The following ATP11B variants were observed in gnomAD, a reference collection of about 807,000 sequenced individuals.
ATP11B encodes phospholipid-transporting ATPase IF.
A neutral mutation model predicts 157.8 loss-of-function variants in ATP11B; 81 were observed. The observed-to-expected ratio is 0.51, with a 90% CI of 0.43 to 0.62. The LOEUF (loss-of-function observed/expected upper bound fraction) is 0.62, where lower values mean the gene tolerates loss of function less well. ATP11B is among the 20% of genes least tolerant of loss of function. The pLI, the probability that ATP11B is intolerant of heterozygous loss-of-function variation, is 0.00. For synonymous variants in ATP11B, 451 were observed against 469.4 expected (o/e 0.96, Z 0.51); for missense variants, 1,165 against 1,402.2 (o/e 0.83, Z 2.70).
intron 2 of ATP11B, among the ~76,000 whole-genome samples, chr3:182,822,190 A>T (rs1419036674): frequency 1.3e-5 from 2 of 151,892 alleles, no homozygotes; most frequent in Non-Finnish European, 1.5e-5. Flanking sequence ...ACATATGTAT[A>T]CATGTGCCAT....
chr3:182,799,880 C>T (rs1267714479), intron 1 of ATP11B, among the ~76,000 whole-genome samples: 1 of 152,032 alleles, frequency 6.6e-6, no homozygotes, highest in African/African-American at 2.4e-5. Flanking sequence ...TTGGGAGACA[C>T]ACAGGAGGAT....
At chr3:182,905,932 T>C (rs1299508930) in intron 28 of ATP11B, 2 of 454,608 alleles carry the variant, frequency 4.4e-6, no homozygotes, top group Non-Finnish European at 8.9e-6. Flanking sequence ...AGTACTGCGC[T>C]GGACCTTCCC....
intron 12 of ATP11B, among the ~76,000 whole-genome samples, chr3:182,863,164 A>G (rs1214364252): frequency 2.0e-5 from 3 of 152,086 alleles, no homozygotes; most frequent in Non-Finnish European, 4.4e-5. Flanking sequence ...TCGGCCTCCC[A>G]AAGTGCTGGG....
chr3:182,875,433 T>C (rs1419086820), intron 19 of ATP11B, among the ~76,000 whole-genome samples: 1 of 152,224 alleles, frequency 6.6e-6, no homozygotes, highest in South Asian at 2.1e-4. Flanking sequence ...GTTGTTGTTT[T>C]GTTGTTGTTG....
At chr3:182,915,040 A>C (rs1725050217) in intron 29 of ATP11B, 1 of 985,400 alleles carries the variant, frequency 1.0e-6, no homozygotes, top group African/African-American at 1.7e-5. Context: ...GGTTATAAAG[A>C]GTGAAGAAGG....
chr3:182,827,259 A>G (rs914657779), intron 2 of ATP11B, among the ~76,000 whole-genome samples: 7 of 152,178 alleles, frequency 4.6e-5, no homozygotes, highest in African/African-American at 4.8e-5. Flanking sequence ...CTTGTAATAC[A>G]GCATTATAGG....
At chr3:182,855,205 C>A (rs1720294355) in intron 10 of ATP11B, among the ~76,000 whole-genome samples, 1 of 152,134 alleles carries the variant, frequency 6.6e-6, no homozygotes, top group Non-Finnish European at 1.5e-5. Context: ...AGAATAGATA[C>A]ATAGATCAGT....
chr3:182,915,075 G>T (rs1194294665), intron 29 of ATP11B: 4 of 985,204 alleles, frequency 4.1e-6, no homozygotes, highest in Non-Finnish European at 4.8e-6. Flanking sequence ...ACTGGAAAAA[G>T]GATTTTTATT....
chr3:182,906,709 C>T (rs1022699827), intron 28 of ATP11B, among the ~76,000 whole-genome samples: 1 of 151,924 alleles, frequency 6.6e-6, no homozygotes, highest in Non-Finnish European at 1.5e-5. Context: ...CCTCAGCCTC[C>T]CAAAGTGCTG....
intron 21 of ATP11B, among the ~76,000 whole-genome samples, chr3:182,883,819 G>A (rs978020786): frequency 1.3e-5 from 2 of 149,536 alleles, no homozygotes; most frequent in African/African-American, 2.4e-5. Flanking sequence ...GCCGGGCGTA[G>A]TGGCGGGCGC....
intron 10 of ATP11B, among the ~76,000 whole-genome samples, chr3:182,849,566 A>G (rs1391723056): frequency 6.6e-6 from 1 of 152,206 alleles, no homozygotes; most frequent in Non-Finnish European, 1.5e-5. Context: ...AACATATGGG[A>G]AAACACAGCA....
At chr3:182,869,431 T>G in intron 17 of ATP11B, 100 bp downstream of exon 17, 2 of 813,840 alleles carry the variant, frequency 2.5e-6, no homozygotes, top group Non-Finnish European at 1.9e-6. Flanking sequence ...GTGGACATTC[T>G]GCAGTTGTGT....
At chr3:182,891,036 A>AT (rs1292256937) in intron 25 of ATP11B, among the ~76,000 whole-genome samples, 1 of 152,228 alleles carries the variant, frequency 6.6e-6, no homozygotes, top group Non-Finnish European at 1.5e-5. Flanking sequence ...TTAAAGTATA[A>AT]TAAAAAAAAC....
chr3:182,838,800 T>TATACAC (rs141453930), intron 7 of ATP11B, among the ~76,000 whole-genome samples: 16,875 of 150,788 alleles, frequency 0.11, 1,020 homozygotes, highest in African/African-American at 0.15. Context: ...TATATATATA[T>TATACAC]ACACACACAT....
intron 2 of ATP11B, among the ~76,000 whole-genome samples, chr3:182,821,325 T>G (rs1576970209): frequency 2.0e-5 from 3 of 152,082 alleles, no homozygotes; most frequent in Non-Finnish European, 4.4e-5. Context: ...GCCAGGCTGG[T>G]CTTGAACTCC....
intron 1 of ATP11B, among the ~76,000 whole-genome samples, chr3:182,807,157 GAGTTTTTCCAGGGAGTTTAGT>G (rs1448803864): frequency 6.6e-6 from 1 of 152,152 alleles, no homozygotes; most frequent in Non-Finnish European, 1.5e-5. Context: ...TGAACCTAGA[GAGTTTTTCCAGGGAGTTTAGT>G]AGTGTGGAAT....
chr3:182,803,560 T>C (rs1716141973), intron 1 of ATP11B, among the ~76,000 whole-genome samples: 1 of 152,224 alleles, frequency 6.6e-6, no homozygotes, highest in Admixed American at 6.5e-5. Flanking sequence ...TATTTGACAA[T>C]TCCTTTGTTA....
chr3:182,848,439 G>A, intron 9 of ATP11B, 37 bp from the exon 10 acceptor site: 1 of 1,153,808 alleles, frequency 8.7e-7, no homozygotes, highest in South Asian at 2.0e-5. Context: ...ACATGCTAGA[G>A]GATTATTTTA....
At chr3:182,885,696 T>C (rs1209702563) in intron 22 of ATP11B, among the ~76,000 whole-genome samples, 2 of 152,136 alleles carry the variant, frequency 1.3e-5, no homozygotes, top group South Asian at 4.1e-4. Context: ...TTCAAAATTA[T>C]AGTGTTGCTT....
Sources: gnomAD v4.1 joint callset for allele counts (sites outside exome capture counted in the v4.1 genomes callset) on GRCh38, gnomAD v4.1.1 for gene constraint, MANE v1.5 for transcripts, NCBI Gene and HGNC (gene_info 2026-07-23, HGNC 2026-07-21) for gene names.